Variants in CSMD1 observed in about 807,000 individuals in gnomAD.
CSMD1 encodes the protein CUB and Sushi multiple domains 1.
A neutral mutation model predicts 417.5 loss-of-function variants in CSMD1; 213 were observed. The observed-to-expected ratio is 0.51, with a 90% CI of 0.46 to 0.57. The LOEUF is 0.57. Ranked by LOEUF, CSMD1 falls within the 20% of genes least tolerant of loss-of-function variation. The pLI is 0.00. For missense variants in CSMD1, 6,923 were observed against 4,529.7 expected (o/e 1.53, Z -15.17); for synonymous variants, 2,862 against 1,736.8 (o/e 1.65, Z -16.11).
At chr8:2,983,671 C>G (rs1249990342) in intron 54 of CSMD1, among the ~76,000 whole-genome samples, 1 of 151,964 alleles carries the variant, frequency 6.6e-6, no homozygotes, top group African/African-American at 2.4e-5. Context: ...AAGCACTTCC[C>G]AGTCTTTGGC....
At chr8:3,002,902 G>A (rs956694466) in intron 52 of CSMD1, among the ~76,000 whole-genome samples, 2 of 152,160 alleles carry the variant, frequency 1.3e-5, no homozygotes, top group African/African-American at 4.8e-5. Context: ...AACAGAGGAT[G>A]TCCTTCAAAA....
chr8:4,096,432 G>T (rs17068949), intron 3 of CSMD1, among the ~76,000 whole-genome samples: 126 of 152,052 alleles, frequency 8.3e-4, no homozygotes, highest in African/African-American at 3.0e-3. Flanking sequence ...AAGGAAAAAT[G>T]CAAACCAGAT....
intron 30 of CSMD1, among the ~76,000 whole-genome samples, chr8:3,210,693 T>C (rs1797554473): frequency 1.3e-5 from 2 of 149,584 alleles, no homozygotes; most frequent in African/African-American, 4.9e-5. Flanking sequence ...TATATGTATA[T>C]ACACTATATA....
chr8:3,927,584 G>C (rs537996506), intron 5 of CSMD1, among the ~76,000 whole-genome samples: 5 of 149,710 alleles, frequency 3.3e-5, no homozygotes, highest in Non-Finnish European at 6.0e-5. Flanking sequence ...AGAATCGCTT[G>C]AAACTGGAAG....
chr8:4,786,266 T>C (rs1797396888), intron 1 of CSMD1, among the ~76,000 whole-genome samples: 1 of 152,220 alleles, frequency 6.6e-6, no homozygotes, highest in Non-Finnish European at 1.5e-5. Context: ...GACTATTTTT[T>C]CTTTCTTCTT....
intron 8 of CSMD1, among the ~76,000 whole-genome samples, chr8:3,607,067 C>A (rs1217291637): frequency 6.6e-6 from 1 of 152,166 alleles, no homozygotes; most frequent in Admixed American, 6.6e-5. Flanking sequence ...GTTTAAGACA[C>A]AAACACATAG....
intron 1 of CSMD1, among the ~76,000 whole-genome samples, chr8:4,978,884 G>A (rs1051390369): frequency 6.6e-6 from 1 of 152,208 alleles, no homozygotes; most frequent in Non-Finnish European, 1.5e-5. Flanking sequence ...GTTGCAGTGA[G>A]CTGAGATTGT....
chr8:3,913,362 G>A (rs771850458), intron 5 of CSMD1, among the ~76,000 whole-genome samples: 29 of 152,098 alleles, frequency 1.9e-4, no homozygotes, highest in Non-Finnish European at 3.8e-4. Context: ...AACAGAGGAA[G>A]CAACAAGCAC....
chr8:3,726,533 G>C (rs940205815), intron 6 of CSMD1, among the ~76,000 whole-genome samples: 16 of 152,338 alleles, frequency 1.1e-4, no homozygotes, highest in African/African-American at 3.8e-4. Context: ...CTCTTGCATA[G>C]TTTGGGTCCA....
Position 3,758,884 on chromosome 8 carries a change from A to G in CSMD1, c.819-4842T>C, listed in dbSNP as rs117875779. ...GCCCAATGTAATGAAAAAGATCCTT[A>G]AAGTGGAAGACAGAGGCAGGAGGAC... On this transcript the variant is annotated intron_variant, in intron 5 of 69. Coordinates refer to ENST00000635120, the MANE Select transcript of CSMD1 (RefSeq NM_033225.6). 7.5e-4 allele frequency among the ~76,000 whole-genome samples: 114 copies of G among 152,264 alleles called. 1 individual carries two copies. The East Asian group carries it at 0.02, about 26-fold the overall frequency.
intron 3 of CSMD1, among the ~76,000 whole-genome samples, chr8:4,362,974 A>G (rs1023912501): frequency 2.0e-5 from 3 of 152,226 alleles, no homozygotes; most frequent in Admixed American, 1.3e-4. Context: ...AAAAACTGCT[A>G]TCAACAAACA....
At chr8:4,125,344 T>G (rs1164573870) in intron 3 of CSMD1, among the ~76,000 whole-genome samples, 5 of 152,200 alleles carry the variant, frequency 3.3e-5, no homozygotes, top group Admixed American at 3.3e-4. Flanking sequence ...GCGCAACTGT[T>G]TGTCTCTCAC....
chr8:3,280,187 GA>G (rs1264891600), intron 26 of CSMD1, among the ~76,000 whole-genome samples: 6 of 150,212 alleles, frequency 4.0e-5, no homozygotes, highest in Non-Finnish European at 9.0e-5. Context: ...TTTGCCTCGA[GA>G]GCCACAGAGT....
intron 49 of CSMD1, among the ~76,000 whole-genome samples, chr8:3,081,243 CT>C: frequency 6.6e-6 from 1 of 152,060 alleles, no homozygotes; most frequent in Non-Finnish European, 1.5e-5. Flanking sequence ...TGAATATATT[CT>C]TCTAGATATT....
At chr8:4,075,899 C>G (rs1799796835) in intron 3 of CSMD1, among the ~76,000 whole-genome samples, 1 of 152,172 alleles carries the variant, frequency 6.6e-6, no homozygotes, top group Non-Finnish European at 1.5e-5. Context: ...TAATTGGAAT[C>G]TTTCCCAATC....
chr8:4,303,818 G>A (rs1006461604), intron 3 of CSMD1, among the ~76,000 whole-genome samples: 13 of 151,890 alleles, frequency 8.6e-5, no homozygotes, highest in Admixed American at 6.6e-5. Context: ...ACTCTCCCCG[G>A]CTAATTGTTG....
intron 4 of CSMD1, among the ~76,000 whole-genome samples, chr8:4,014,154 A>G (rs1796408210): frequency 6.6e-6 from 1 of 152,210 alleles, no homozygotes; most frequent in Non-Finnish European, 1.5e-5. Flanking sequence ...ATTGTGGTGA[A>G]CTGTCATAAC....
intron 3 of CSMD1, among the ~76,000 whole-genome samples, chr8:4,059,410 A>G (rs1485056289): frequency 6.8e-6 from 1 of 147,504 alleles, no homozygotes; most frequent in Non-Finnish European, 1.5e-5. Flanking sequence ...AACACATTCA[A>G]AAGCTAGCAG....
intron 26 of CSMD1, among the ~76,000 whole-genome samples, chr8:3,257,717 C>A (rs1368378318): frequency 6.6e-6 from 1 of 152,134 alleles, no homozygotes; most frequent in Non-Finnish European, 1.5e-5. Context: ...GGGCCTAGAG[C>A]CTTGTTGGAG....
Sources: gnomAD v4.1 joint callset for allele counts (sites outside exome capture counted in the v4.1 genomes callset) on GRCh38, gnomAD v4.1.1 for gene constraint, MANE v1.5 for transcripts, NCBI Gene and HGNC (gene_info 2026-07-23, HGNC 2026-07-21) for gene names.